The following NCOR2 variants were observed in gnomAD, a reference collection of about 807,000 sequenced individuals.
NCOR2 encodes nuclear receptor corepressor 2.
A neutral mutation model predicts 262.9 loss-of-function variants in NCOR2; 81 were observed. The ratio of observed to expected loss-of-function variants is 0.31; its 90% CI spans 0.26 to 0.37. The LOEUF (loss-of-function observed/expected upper bound fraction) is 0.37. Among genes scored for constraint, NCOR2 ranks in the 10% least tolerant of loss-of-function variants. The pLI, the probability that NCOR2 is intolerant of heterozygous loss-of-function variation, is 1.00. For missense variants in NCOR2, 3,385 were observed against 3,621.4 expected (o/e 0.93, Z 1.68); for synonymous variants, 1,659 against 1,559.3 (o/e 1.06, Z -1.51).
rs976997524 is a variant in NCOR2 at position 124,478,335 on chromosome 12, C to G, written c.412-5204G>C. ...ATATTTGATAGGGGCTGTCTGTCCC[C>G]CTTAGGGATTTTCAGAGATAGTGCT... On this transcript the variant is annotated intron_variant, in intron 3 of 46. Transcript: ENST00000405201. Among the ~76,000 whole-genome samples, 4 of 152,328 alleles carry G rather than the reference C, an allele frequency of 2.6e-5. No homozygotes were observed. The East Asian group carries it at 7.7e-4, about 29-fold the overall frequency.
chr12:124,388,548 G>C, intron 16 of NCOR2: 1 of 903,226 alleles, frequency 1.1e-6, no homozygotes, highest in Non-Finnish European at 1.5e-6. Context: ...GAAAGGATGG[G>C]CTGGGACCCC....
intron 7 of NCOR2, among the ~76,000 whole-genome samples, chr12:124,439,274 G>A: frequency 9.3e-6 from 1 of 107,588 alleles, no homozygotes; most frequent in Non-Finnish European, 2.1e-5. Flanking sequence ...GAGACCCTGA[G>A]ACAGAGGGAG....
At chr12:124,355,139 C>G in intron 24 of NCOR2, 200 bp from the exon 27 acceptor site, 1 of 615,226 alleles carries the variant, frequency 1.6e-6, no homozygotes. Flanking sequence ...CTCTGAGCCC[C>G]TTGCATTTGC....
At chr12:124,375,020 C>A (rs2039877120) in intron 18 of NCOR2, among the ~76,000 whole-genome samples, 1 of 151,848 alleles carries the variant, frequency 6.6e-6, no homozygotes, top group Admixed American at 6.6e-5. Context: ...ACAGGCCAGG[C>A]TCCGTGCCGA....
rs560775534 is a variant in NCOR2, at chr12:124,356,000, C to A, written c.3242-429G>T. On this transcript the variant is annotated intron_variant, in intron 23 of 46. Transcript: ENST00000405201. ...TAGCCCCCGACTTGGCCTTCAGGCT[C>A]GCCTGACCTGGCCCCTGGGTCTCCC... Among the ~76,000 whole-genome samples, 12 of 152,342 alleles carry A rather than the reference C, an allele frequency of 7.9e-5. 1 individual carries two copies. The South Asian group carries it at 2.5e-3, about 32-fold the overall frequency.
chr12:124,343,068 G>A (rs1168412528), exon 33 of NCOR2: 10 of 1,612,482 alleles, frequency 6.2e-6, no homozygotes, highest in Non-Finnish European at 8.5e-6. Flanking sequence ...ATGTGGCTGC[G>A]ATACAGGTCC....
intron 22 of NCOR2, among the ~76,000 whole-genome samples, chr12:124,358,424 G>A (rs549633875): frequency 1.2e-4 from 19 of 152,260 alleles, no homozygotes; most frequent in African/African-American, 4.1e-4. Context: ...ATGTGTGTGC[G>A]CCTGTGTGTG....
At chr12:124,534,729 A>C (rs1483836981) in intron 1 of NCOR2, among the ~76,000 whole-genome samples, 2 of 152,202 alleles carry the variant, frequency 1.3e-5, no homozygotes, top group Non-Finnish European at 2.9e-5. Flanking sequence ...GGGAAGGGTG[A>C]GAAGGGGTTC....
chr12:124,522,474 C>A (rs572633044), intron 1 of NCOR2, among the ~76,000 whole-genome samples: 9 of 152,166 alleles, frequency 5.9e-5, no homozygotes, highest in African/African-American at 2.2e-4. Context: ...GCGTTCCTTC[C>A]GTCTTCACGT....
chr12:124,391,172 G>T (rs1440683605), intron 16 of NCOR2, among the ~76,000 whole-genome samples: 1 of 152,206 alleles, frequency 6.6e-6, no homozygotes, highest in Non-Finnish European at 1.5e-5. Flanking sequence ...TGCATCCACA[G>T]CTAGGACTCC....
intron 17 of NCOR2, chr12:124,383,413 C>T (rs939311299): frequency 3.1e-5 from 13 of 417,780 alleles, no homozygotes; most frequent in South Asian, 1.6e-4. Flanking sequence ...TGTTCGTCCA[C>T]GCCAGCGGCT....
At chr12:124,390,757 G>A (rs140305101) in intron 16 of NCOR2, among the ~76,000 whole-genome samples, 121 of 152,382 alleles carry the variant, frequency 7.9e-4, no homozygotes, top group African/African-American at 2.5e-3. Flanking sequence ...GTGCCAGGGC[G>A]GAGATGGCAG....
chr12:124,342,365 T>G (rs1054549866), intron 33 of NCOR2, among the ~76,000 whole-genome samples: 1 of 152,244 alleles, frequency 6.6e-6, no homozygotes, highest in Admixed American at 6.5e-5. Flanking sequence ...TTATTTCTTT[T>G]TTTTTAATTT....
At chr12:124,544,242 C>A (rs2051472532) in intron 1 of NCOR2, among the ~76,000 whole-genome samples, 1 of 152,238 alleles carries the variant, frequency 6.6e-6, no homozygotes, top group Non-Finnish European at 1.5e-5. Context: ...TCACAGTATG[C>A]TGTAGATGAA....
At chr12:124,534,167 G>A (rs1274051254) in intron 1 of NCOR2, among the ~76,000 whole-genome samples, 1 of 152,136 alleles carries the variant, frequency 6.6e-6, no homozygotes, top group Non-Finnish European at 1.5e-5. Flanking sequence ...CAGTACAAAT[G>A]TGGTATTCTC....
intron 20 of NCOR2, 27 bp from the exon 23 acceptor site, chr12:124,363,826 G>A: frequency 1.5e-6 from 2 of 1,326,830 alleles, no homozygotes; most frequent in Non-Finnish European, 9.7e-7. Context: ...ACCATCAGCT[G>A]GGGGCCCACA....
rs143421961 is a variant in NCOR2, at chr12:124,415,274, C to A, written c.1482+4683G>T. Among the ~76,000 whole-genome samples the A allele has an allele frequency of 2.7e-4, 41 of 152,368 alleles. 1 individual carries two copies. In the Middle Eastern group the frequency reaches 0.01, roughly 38 times the overall value. On this transcript the variant is annotated intron_variant, in intron 13 of 46. Coordinates refer to ENST00000405201, the Ensembl canonical transcript of NCOR2. ...TCCAAGCAGCGGTGCTGGGCCCACC[C>A]CAGGCCTGCTGTGCCCTCACCTGGG...
chr12:124,362,637 A>G (rs2038689593), intron 21 of NCOR2, among the ~76,000 whole-genome samples: 1 of 150,638 alleles, frequency 6.6e-6, no homozygotes, highest in Non-Finnish European at 1.5e-5. Flanking sequence ...CCTCCCAAAA[A>G]GCCTGGCCCA....
chr12:124,499,051 T>C (rs2048535410), upstream of NCOR2, among the ~76,000 whole-genome samples: 1 of 152,208 alleles, frequency 6.6e-6, no homozygotes, highest in African/African-American at 2.4e-5. Flanking sequence ...GTTTTGAAAC[T>C]TGATAGAGGA....
Sources: gnomAD v4.1 joint callset for allele counts (sites outside exome capture counted in the v4.1 genomes callset) on GRCh38, gnomAD v4.1.1 for gene constraint, MANE v1.5 for transcripts, NCBI Gene and HGNC (gene_info 2026-07-23, HGNC 2026-07-21) for gene names.